Variants in RAI2 observed in about 807,000 individuals in gnomAD.
The protein encoded by RAI2 is retinoic acid induced 2, also known as retinoic acid-induced protein 2.
RAI2 carries 5 observed loss-of-function variants against 15.3 expected under a neutral mutation model. That is an observed-to-expected ratio of 0.33 (90% CI 0.17 to 0.69). The LOEUF is 0.69. RAI2 is among the 30% of genes least tolerant of loss of function. The pLI is 0.69. For synonymous variants in RAI2, 191 were observed against 184.0 expected, an observed-to-expected ratio of 1.04 and a Z score of -0.31; for missense variants, 424 against 424.7, an observed-to-expected ratio of 1.00 and a Z score of 0.01.
chrX:17,820,079 G>A (rs1252550983), intron 1 of RAI2, among the ~76,000 whole-genome samples: 3 of 112,330 alleles, frequency 2.7e-5, no homozygotes, highest in Non-Finnish European at 5.6e-5. Flanking sequence ...CCAGTGTGGA[G>A]AGGGGAGCTG....
intron 1 of RAI2, chrX:17,860,453 C>A (rs1311111391): frequency 1.8e-5 from 2 of 112,798 alleles, no homozygotes; most frequent in Non-Finnish European, 3.8e-5. Context: ...GTGCGGCCAC[C>A]CCGGGGCTGG....
intron 1 of RAI2, among the ~76,000 whole-genome samples, chrX:17,846,251 G>A (rs369720439): frequency 1.2e-3 from 132 of 111,649 alleles, no homozygotes; most frequent in Middle Eastern, 4.6e-3. Context: ...TGGCAGGTGG[G>A]GTGACTCACT....
At chrX:17,814,624 G>A (rs1045209205) in intron 1 of RAI2, among the ~76,000 whole-genome samples, 2 of 109,168 alleles carry the variant, frequency 1.8e-5, no homozygotes, top group African/African-American at 6.7e-5. Flanking sequence ...CACACTACAG[G>A]GGAATCAGCT....
intron 1 of RAI2, among the ~76,000 whole-genome samples, chrX:17,858,757 C>T (rs1365903326): frequency 8.9e-6 from 1 of 112,652 alleles, no homozygotes; most frequent in Non-Finnish European, 1.9e-5. Flanking sequence ...CCCCAGCGAT[C>T]GGCATCGCTT....
intron 1 of RAI2, among the ~76,000 whole-genome samples, chrX:17,840,886 G>C (rs1044211828): frequency 8.9e-6 from 1 of 112,032 alleles, no homozygotes; most frequent in Non-Finnish European, 1.9e-5. Flanking sequence ...AACTGCAAGA[G>C]AGACTGGGAA....
chrX:17,858,167 G>A (rs2067640448), intron 1 of RAI2, among the ~76,000 whole-genome samples: 1 of 111,896 alleles, frequency 8.9e-6, no homozygotes, highest in African/African-American at 3.3e-5. Context: ...GTTCAGACAG[G>A]TTAAGAGAAA....
chrX:17,826,812 C>G (rs2067232099), intron 1 of RAI2, among the ~76,000 whole-genome samples: 1 of 111,531 alleles, frequency 9.0e-6, no homozygotes, highest in South Asian at 3.8e-4. Flanking sequence ...CTCATGCTCT[C>G]TCTTTCCTGC....
At chrX:17,860,415 T>C (rs2067672751) in intron 1 of RAI2, 3 of 112,585 alleles carry the variant, frequency 2.7e-5, no homozygotes, top group Admixed American at 9.3e-5. Context: ...CGTTGCTCGG[T>C]GCCTAACATG....
At chrX:17,845,626 T>G (rs916131537) in intron 1 of RAI2, among the ~76,000 whole-genome samples, 1 of 112,198 alleles carries the variant, frequency 8.9e-6, no homozygotes, top group East Asian at 2.8e-4. Context: ...ATCTTTGGGA[T>G]GGGGGTGGAG....
chrX:17,805,608 GAGGCCC>G (rs1311464636), intron 1 of RAI2, among the ~76,000 whole-genome samples: 1 of 112,689 alleles, frequency 8.9e-6, no homozygotes, highest in Non-Finnish European at 1.9e-5. Flanking sequence ...GAAAAACGCT[GAGGCCC>G]AGTGGGATGA....
chrX:17,857,983 T>C (rs1057108137), intron 1 of RAI2, among the ~76,000 whole-genome samples: 35 of 111,214 alleles, frequency 3.1e-4, no homozygotes, highest in Non-Finnish European at 1.1e-4. Context: ...GGCTGAAAGA[T>C]CCAGCAGGAA....
intron 1 of RAI2, among the ~76,000 whole-genome samples, chrX:17,839,854 A>G (rs1010093715): frequency 8.9e-6 from 1 of 112,681 alleles, no homozygotes; most frequent in Non-Finnish European, 1.9e-5. Context: ...CTGTTCTGAC[A>G]TGGAAAAAAA....
intron 1 of RAI2, among the ~76,000 whole-genome samples, chrX:17,832,326 G>A (rs2067290716): frequency 9.0e-6 from 1 of 111,243 alleles, no homozygotes; most frequent in Non-Finnish European, 1.9e-5. Context: ...ATCTCTTTTC[G>A]TTTCTGCACC....
chrX:17,843,012 G>C (rs970764813), intron 1 of RAI2, among the ~76,000 whole-genome samples: 4 of 111,892 alleles, frequency 3.6e-5, no homozygotes, highest in Non-Finnish European at 7.5e-5. Flanking sequence ...GAACTCACTC[G>C]CAGGAGTAGC....
Position 17,801,010 on chromosome X carries a change from G to T in RAI2, c.1001C>A (p.Pro334His), listed in dbSNP as rs1413366136. The T allele has an allele frequency of 3.3e-6, 4 of 1,209,584 alleles. No homozygotes were observed. The Admixed American group carries it at 8.7e-5, about 26-fold the overall frequency. ...VPWLKAGEVS[P>H]PIFQEDAALD... is the part of the protein sequence containing the mutation. ...GGCTGCATCTTCCTGGAAGATTGGG[G>T]GACTGACTTCACCAGCCTTGAGCCA... The change falls in exon 2 of 2, where the codon CCC becomes CAC. Residue 334 changes from proline (P) to histidine (H), a missense_variant. By Grantham distance (77) the Pro-to-His change is moderately conservative (BLOSUM62 -2). Coordinates refer to ENST00000451717, the MANE Select transcript of RAI2 (RefSeq NM_021785.6).
chrX:17,831,512 T>C (rs2067281880), intron 1 of RAI2, among the ~76,000 whole-genome samples: 1 of 112,206 alleles, frequency 8.9e-6, no homozygotes, highest in South Asian at 3.7e-4. Flanking sequence ...CCTGGAGCCC[T>C]GTTTACAAAC....
chrX:17,858,847 T>G (rs981862652), intron 1 of RAI2, among the ~76,000 whole-genome samples: 7 of 111,945 alleles, frequency 6.3e-5, no homozygotes, highest in Non-Finnish European at 9.4e-5. Context: ...CTTGGCTTTT[T>G]TTCATCATAA....
At chrX:17,845,968 C>A (rs1334471581) in intron 1 of RAI2, among the ~76,000 whole-genome samples, 1 of 111,981 alleles carries the variant, frequency 8.9e-6, no homozygotes, top group Admixed American at 9.5e-5. Context: ...TCTAGACAGG[C>A]ATCAGATGGG....
chrX:17,816,606 T>C (rs961512839), intron 1 of RAI2, among the ~76,000 whole-genome samples: 7 of 112,303 alleles, frequency 6.2e-5, no homozygotes, highest in African/African-American at 2.3e-4. Flanking sequence ...CTAGCGAATA[T>C]TGGCCCATGA....
Sources: gnomAD v4.1 joint callset for allele counts (sites outside exome capture counted in the v4.1 genomes callset) on GRCh38, gnomAD v4.1.1 for gene constraint, MANE v1.5 for transcripts, NCBI Gene and HGNC (gene_info 2026-07-23, HGNC 2026-07-21) for gene names.